The following TMEM232 variants were observed in gnomAD, a reference collection of about 807,000 sequenced individuals.
The protein encoded by TMEM232 is transmembrane protein 232.
Under a neutral mutation model 78.8 loss-of-function variants are expected in TMEM232, and 80 were observed. That is an observed-to-expected ratio of 1.01 (90% CI 0.85 to 1.22). TMEM232 has a LOEUF of 1.22. TMEM232 is among the 50% of genes most tolerant of loss of function. The probability of loss-of-function intolerance (pLI) is 0.00; values close to 1 mark genes in which losing one functional copy is unlikely to be tolerated. For missense variants in TMEM232, 881 were observed against 742.2 expected (o/e 1.19, Z -2.17); for synonymous variants, 297 against 254.3 (o/e 1.17, Z -1.60).
Position 110,528,622 on chromosome 5 carries a change from A to G in TMEM232, c.1669T>C (p.Ser557Pro). ...QTKYPNKKLE[S>P]VKKQVLHFTV... Reference sequence around the variant, plus strand: ...AAATGTAGAACTTGCTTTTTCACAGACTCCAGCTTTTTATTTGGATATTTT... The same window carrying G: ...AAATGTAGAACTTGCTTTTTCACAGGCTCCAGCTTTTTATTTGGATATTTT... The change falls in exon 12 of 14, where the codon TCT becomes CCT. Residue 557 changes from serine (S) to proline (P), a missense_variant. Ser to Pro is a moderately conservative substitution (Grantham distance 74, BLOSUM62 -1). Transcript: ENST00000455884. 6.5e-7 allele frequency: 1 copy of G among 1,532,066 alleles called. No individual in the cohort carries two copies. Among genetic ancestry groups the G allele is most frequent in the Admixed American group, 2.0e-5 (1 of 50,538 alleles). The allele number at this position is 1,532,066 out of a possible 1,614,324, so 94.9% of individuals were successfully genotyped here. A position where few individuals can be genotyped will look rare whatever the true frequency, so the allele number is the denominator to read the frequency against.
chr5:110,633,519 T>A (rs1785415801), intron 5 of TMEM232, among the ~76,000 whole-genome samples: 1 of 151,884 alleles, frequency 6.6e-6, no homozygotes, highest in African/African-American at 2.4e-5. Flanking sequence ...GGGAGGGAGG[T>A]GACTGAATCA....
chr5:110,700,809 G>GATAGATAGATAA (rs1444373463), intron 1 of TMEM232, among the ~76,000 whole-genome samples: 3 of 151,708 alleles, frequency 2.0e-5, no homozygotes, highest in African/African-American at 4.8e-5. Flanking sequence ...TAGATAGATA[G>GATAGATAGATAA]ATAGATAGAT....
At chr5:110,439,632 T>C (rs1008280272) in intron 12 of TMEM232, among the ~76,000 whole-genome samples, 4 of 152,064 alleles carry the variant, frequency 2.6e-5, no homozygotes, top group African/African-American at 7.2e-5. Flanking sequence ...GTGGTTTCCA[T>C]ATACAGTTCC....
Position 110,499,635 on chromosome 5 carries a change from C to CCCCCA in TMEM232, c.1703+28952_1703+28953insTGGGG, listed in dbSNP as rs376076876. Among the ~76,000 whole-genome samples, 404 of 143,540 alleles carry CCCCCA rather than the reference C, an allele frequency of 2.8e-3. 5 individuals carry two copies. The highest frequency in any genetic ancestry group is 0.011 in the African/African-American group (383 of 35,070). 94.2% of individuals were successfully genotyped at this position (143,540 alleles called of 152,430 possible). A position where few individuals can be genotyped will look rare whatever the true frequency, so the allele number is the denominator to read the frequency against. On this transcript the variant is annotated intron_variant, in intron 12 of 13. Transcript: ENST00000455884. ...GAAAAATATATGTATACACCCCCCCCCACACACACACATATATATATATAT... is the reference window on the plus strand; with the variant it reads ...GAAAAATATATGTATACACCCCCCCCCCCCACACACACACACATATATATATATAT...
chr5:110,391,348 A>AGAGAGAGAGAGAGAGAGAGAG (rs1580539420), intron 3 of TMEM232, among the ~76,000 whole-genome samples: 15 of 140,496 alleles, frequency 1.1e-4, no homozygotes, highest in East Asian at 5.9e-4. Flanking sequence ...AGAGAGAGAG[A>AGAGAGAGAGAGAGAGAGAGAG]AACCTCTGTG....
intron 2 of TMEM232, among the ~76,000 whole-genome samples, chr5:110,656,149 A>T (rs1026446967): frequency 6.6e-6 from 1 of 152,172 alleles, no homozygotes; most frequent in Non-Finnish European, 1.5e-5. Context: ...TTTTCAAGAC[A>T]ACAAATAACA....
At chr5:110,441,462 G>A (rs9687979) in intron 12 of TMEM232, among the ~76,000 whole-genome samples, 1,961 of 152,164 alleles carry the variant, frequency 0.013, 37 homozygotes, top group African/African-American at 0.045. Flanking sequence ...AGTGAAGTGC[G>A]GGGAGACAGA....
chr5:110,411,202 C>G (rs1005593258), intron 2 of TMEM232, among the ~76,000 whole-genome samples: 2 of 152,062 alleles, frequency 1.3e-5, no homozygotes. Context: ...CCAGCTCTTC[C>G]CATACCCCTC....
Position 110,528,751 on chromosome 5 carries a change from A to G in TMEM232, c.1540T>C (p.Tyr514His). The change falls in exon 12 of 14, where the codon TAT (tyrosine) becomes CAT (histidine). Residue 514 changes from tyrosine to histidine, a missense_variant. Transcript: ENST00000455884. ...GTGTTGGCAATTCTCCACCCAATATATTTGGAGAAAACTTCTTCTCCTACA... is the reference window on the plus strand; with the variant it reads ...GTGTTGGCAATTCTCCACCCAATATGTTTGGAGAAAACTTCTTCTCCTACA... ...SNVGEEVFSK[Y>H]IGWRIANTLS... 6.5e-7 allele frequency: 1 copy of G among 1,533,990 alleles called. No homozygotes were observed. The highest frequency in any genetic ancestry group is 8.7e-7 in the Non-Finnish European group (1 of 1,145,882).
chr5:110,700,790 A>G (rs373387619), intron 1 of TMEM232, among the ~76,000 whole-genome samples: 67 of 125,300 alleles, frequency 5.3e-4, no homozygotes, highest in African/African-American at 1.8e-3. Flanking sequence ...AGATAGGTAG[A>G]TAGATAGATA....
At chr5:110,542,002 T>C (rs564347458) in intron 11 of TMEM232, among the ~76,000 whole-genome samples, 199 of 152,284 alleles carry the variant, frequency 1.3e-3, no homozygotes, top group African/African-American at 4.5e-3. Flanking sequence ...TTCAGTAATA[T>C]TGGCCATGCC....
intron 1 of TMEM232, among the ~76,000 whole-genome samples, chr5:110,694,392 T>A (rs761489020): frequency 8.2e-4 from 125 of 152,106 alleles, no homozygotes; most frequent in Non-Finnish European, 1.3e-3. Flanking sequence ...AGAAACTGCA[T>A]CAACTAACGA....
chr5:110,555,996 T>C (rs983449094), intron 11 of TMEM232, among the ~76,000 whole-genome samples: 2 of 152,144 alleles, frequency 1.3e-5, no homozygotes, highest in African/African-American at 4.8e-5. Flanking sequence ...AAGATTAATA[T>C]TGATATATGT....
intron 12 of TMEM232, among the ~76,000 whole-genome samples, chr5:110,510,522 G>C (rs10043363): frequency 6.6e-6 from 1 of 152,018 alleles, no homozygotes; most frequent in Admixed American, 6.6e-5. Flanking sequence ...TCTAGTGCAG[G>C]CTATATTGAA....
chr5:110,543,883 A>G (rs190546103), intron 11 of TMEM232, among the ~76,000 whole-genome samples: 214 of 152,344 alleles, frequency 1.4e-3, no homozygotes, highest in African/African-American at 4.8e-3. Flanking sequence ...TTCTATAGTT[A>G]TCTTCCTTCT....
At chr5:110,641,873 G>T (rs1401758969) in intron 3 of TMEM232, among the ~76,000 whole-genome samples, 1 of 152,090 alleles carries the variant, frequency 6.6e-6, no homozygotes, top group Non-Finnish European at 1.5e-5. Flanking sequence ...CACAAGTTAG[G>T]TGAAGAATAG....
chr5:110,661,328 T>G (rs1211375566), intron 2 of TMEM232, among the ~76,000 whole-genome samples: 1 of 152,182 alleles, frequency 6.6e-6, no homozygotes, highest in Non-Finnish European at 1.5e-5. Flanking sequence ...GTTTCTTCTC[T>G]TGAGGTAGGG....
chr5:110,616,009 T>C (rs578067107), intron 8 of TMEM232, among the ~76,000 whole-genome samples: 1 of 152,124 alleles, frequency 6.6e-6, no homozygotes, highest in African/African-American at 2.4e-5. Context: ...CAAAGTAATT[T>C]ACAGATTCAA....
intron 12 of TMEM232, among the ~76,000 whole-genome samples, chr5:110,426,879 T>C (rs916344738): frequency 6.6e-5 from 10 of 152,024 alleles, no homozygotes; most frequent in African/African-American, 9.7e-5. Context: ...AAACAGAATC[T>C]TAAAATCATT....
Sources: gnomAD v4.1 joint callset for allele counts (sites outside exome capture counted in the v4.1 genomes callset) on GRCh38, gnomAD v4.1.1 for gene constraint, MANE v1.5 for transcripts, NCBI Gene and HGNC (gene_info 2026-07-23, HGNC 2026-07-21) for gene names.